PUS7: variants seen among roughly 807,000 people sequenced by gnomAD.
The protein encoded by PUS7 is pseudouridylate synthase 7 homolog.
A neutral mutation model predicts 79.8 loss-of-function variants in PUS7; 48 were observed. The observed-to-expected ratio is 0.60, with a 90% CI of 0.48 to 0.76. The LOEUF (loss-of-function observed/expected upper bound fraction) is 0.76, where lower values mean the gene tolerates loss of function less well. PUS7 is among the 30% of genes least tolerant of loss of function. The pLI is 0.00. For missense variants in PUS7, 729 were observed against 797.6 expected, an observed-to-expected ratio of 0.91 and a Z score of 1.04; for synonymous variants, 286 against 272.2, an observed-to-expected ratio of 1.05 and a Z score of -0.50.
chr7:105,468,942 C>T (rs1216141700), intron 11 of PUS7, among the ~76,000 whole-genome samples: 1 of 152,180 alleles, frequency 6.6e-6, no homozygotes, highest in Non-Finnish European at 1.5e-5. Context: ...CATTCTGTCA[C>T]CCAGGCTGGA....
chr7:105,520,225 A>C (rs1043800444), intron 1 of PUS7, among the ~76,000 whole-genome samples: 1 of 152,026 alleles, frequency 6.6e-6, no homozygotes, highest in African/African-American at 2.4e-5. Context: ...TTTGGGAGGC[A>C]GAGGCGGGCA....
chr7:105,495,119 T>C (rs1271561895), intron 6 of PUS7, 23 bp downstream of exon 6: 3 of 1,355,010 alleles, frequency 2.2e-6, no homozygotes, highest in Admixed American at 2.0e-5. Context: ...TGATTTTGTA[T>C]AGGCATAACA....
chr7:105,514,214 G>A (rs1825806783), intron 1 of PUS7, among the ~76,000 whole-genome samples: 1 of 123,274 alleles, frequency 8.1e-6, no homozygotes, highest in Non-Finnish European at 1.7e-5. Context: ...CTGGGTGACA[G>A]AGCAAGACTC....
At position 105,470,708 on chromosome 7, in the gene PUS7, T is replaced by G; in HGVS notation, c.1378A>C (p.Ile460Leu). The G allele has an allele frequency of 6.2e-7, 1 of 1,607,250 alleles. No individual in the cohort carries two copies. Residue 460 changes from isoleucine to leucine, a missense_variant, in exon 11 of 16, where the codon ATA becomes CTA. By Grantham distance (5) the Ile-to-Leu change is conservative. Transcript: ENST00000469408. ...RGLSKYGMKN[I>L]VSAFGIIPRN... is the part of the protein sequence containing the mutation. ...CTCACTATGCCAAATGCAGAGACTA[T>G]ATTCTTCATTCCATATTTTGAAAGT...
chr7:105,490,558 C>G (rs1824740933), intron 7 of PUS7, among the ~76,000 whole-genome samples: 2 of 152,096 alleles, frequency 1.3e-5, no homozygotes, highest in African/African-American at 2.4e-5. Context: ...ACACCAATCC[C>G]CATTTAGATT....
intron 7 of PUS7, among the ~76,000 whole-genome samples, chr7:105,487,698 G>A (rs1195020243): frequency 1.3e-5 from 2 of 152,122 alleles, no homozygotes; most frequent in Non-Finnish European, 2.9e-5. Context: ...TTAAACATCA[G>A]GAACCAATTA....
chr7:105,519,969 C>G (rs1476342091), intron 1 of PUS7, among the ~76,000 whole-genome samples: 1 of 152,174 alleles, frequency 6.6e-6, no homozygotes, highest in Non-Finnish European at 1.5e-5. Flanking sequence ...TCTCTCTCTC[C>G]TAGGTAAGGA....
intron 6 of PUS7, among the ~76,000 whole-genome samples, chr7:105,494,844 C>T (rs1023288893): frequency 5.3e-5 from 8 of 151,758 alleles, no homozygotes; most frequent in Non-Finnish European, 1.2e-4. Flanking sequence ...GGCATTGTGG[C>T]ATACGCCTGT....
intron 7 of PUS7, among the ~76,000 whole-genome samples, chr7:105,487,932 A>G (rs1261089423): frequency 6.6e-6 from 1 of 152,216 alleles, no homozygotes; most frequent in Non-Finnish European, 1.5e-5. Context: ...CAGTCATTCA[A>G]ATGCCTGTGT....
chr7:105,464,529 T>C (rs1169769061), intron 13 of PUS7, among the ~76,000 whole-genome samples: 1 of 152,148 alleles, frequency 6.6e-6, no homozygotes, highest in Non-Finnish European at 1.5e-5. Flanking sequence ...ATTCTCTCCC[T>C]CTCCTTCCCA....
At chr7:105,501,832 G>A (rs1009634784) in intron 5 of PUS7, among the ~76,000 whole-genome samples, 3 of 151,834 alleles carry the variant, frequency 2.0e-5, no homozygotes, top group Non-Finnish European at 4.4e-5. Flanking sequence ...GCAGGTGCCT[G>A]GAGTCTCAGG....
intron 6 of PUS7, 137 bp from the exon 7 acceptor site, chr7:105,491,754 A>C (rs1480499109): frequency 1.6e-6 from 1 of 611,050 alleles, no homozygotes; most frequent in East Asian, 3.0e-5. Flanking sequence ...GAGAAACTTT[A>C]TTTTAACATG....
intron 9 of PUS7, among the ~76,000 whole-genome samples, chr7:105,473,215 C>A (rs1201515769): frequency 2.0e-5 from 3 of 152,010 alleles, no homozygotes; most frequent in African/African-American, 7.2e-5. Context: ...ATGAAAATAT[C>A]TACATATTTG....
chr7:105,503,441 A>G (rs1421472742), intron 4 of PUS7, among the ~76,000 whole-genome samples: 8 of 152,316 alleles, frequency 5.3e-5, no homozygotes, highest in South Asian at 2.1e-4. Context: ...AAAAATCAAC[A>G]TGATATAAAC....
At chr7:105,474,985 A>G (rs1824030856) in intron 9 of PUS7, among the ~76,000 whole-genome samples, 1 of 152,172 alleles carries the variant, frequency 6.6e-6, no homozygotes, top group Non-Finnish European at 1.5e-5. Context: ...AAAGCCTAAA[A>G]TATTAACTAA....
chr7:105,482,241 A>T (rs1159401528), intron 8 of PUS7, 71 bp downstream of exon 8: 3 of 1,533,976 alleles, frequency 2.0e-6, no homozygotes, highest in African/African-American at 2.8e-5. Context: ...CCTTATGACC[A>T]ACCGTGAGTA....
intron 10 of PUS7, 59 bp from the exon 11 acceptor site, chr7:105,470,907 T>TA (rs1266351970): frequency 1.6e-5 from 23 of 1,465,954 alleles, no homozygotes; most frequent in Non-Finnish European, 2.1e-5. Flanking sequence ...TTCCATAACT[T>TA]AAAGTACACT....
intron 1 of PUS7, among the ~76,000 whole-genome samples, chr7:105,518,870 G>A (rs531619277): frequency 5.7e-4 from 87 of 152,104 alleles, no homozygotes; most frequent in African/African-American, 2.0e-3. Flanking sequence ...CCGGGTACAC[G>A]AGATTCTCCT....
chr7:105,497,752 A>G (rs1825094160), intron 5 of PUS7, among the ~76,000 whole-genome samples: 1 of 152,228 alleles, frequency 6.6e-6, no homozygotes, highest in Non-Finnish European at 1.5e-5. Context: ...AAGCCATGCT[A>G]TGTAGAATTT....
Sources: gnomAD v4.1 joint callset for allele counts (sites outside exome capture counted in the v4.1 genomes callset) on GRCh38, gnomAD v4.1.1 for gene constraint, MANE v1.5 for transcripts, NCBI Gene and HGNC (gene_info 2026-07-23, HGNC 2026-07-21) for gene names.